DIS3L2: variants seen among roughly 807,000 people sequenced by gnomAD.
DIS3L2 encodes the protein DIS3 like 3'-5' exoribonuclease 2.
Under a neutral mutation model 97.5 loss-of-function variants are expected in DIS3L2, and 34 were observed. The observed-to-expected ratio is 0.35, with a 90% CI of 0.27 to 0.46. The LOEUF (loss-of-function observed/expected upper bound fraction) is 0.46, where lower values mean the gene tolerates loss of function less well. DIS3L2 is among the 20% of genes least tolerant of loss of function. The pLI, the probability that DIS3L2 is intolerant of heterozygous loss-of-function variation, is 1.00. For missense variants in DIS3L2, 1,038 were observed against 1,146.0 expected, an observed-to-expected ratio of 0.91 and a Z score of 1.36; for synonymous variants, 435 against 445.2, an observed-to-expected ratio of 0.98 and a Z score of 0.29.
chr2:232,198,226 T>C (rs1296376071), intron 9 of DIS3L2, among the ~76,000 whole-genome samples: 11 of 152,080 alleles, frequency 7.2e-5, no homozygotes, highest in Admixed American at 7.2e-4. Flanking sequence ...TTAAGGGCCA[T>C]CTCTAGGAAA....
intron 10 of DIS3L2, among the ~76,000 whole-genome samples, chr2:232,222,492 A>G (rs896110701): frequency 3.3e-5 from 5 of 151,742 alleles, no homozygotes; most frequent in African/African-American, 4.8e-5. Context: ...TTTTTTTAAG[A>G]CTGAGTCTTG....
At chr2:231,986,633 A>T (rs544062914) in intron 1 of DIS3L2, among the ~76,000 whole-genome samples, 1 of 152,312 alleles carries the variant, frequency 6.6e-6, no homozygotes, top group Non-Finnish European at 1.5e-5. Flanking sequence ...CTCCTTTAGT[A>T]CTTAAGACAG....
chr2:232,130,362 C>G (rs185015345), intron 6 of DIS3L2, among the ~76,000 whole-genome samples: 194 of 152,208 alleles, frequency 1.3e-3, no homozygotes, highest in African/African-American at 4.6e-3. Context: ...TAGTTTGATG[C>G]TCTCCAGTTG....
At chr2:232,086,186 C>CAT (rs1279584513) in intron 5 of DIS3L2, among the ~76,000 whole-genome samples, 1 of 146,948 alleles carries the variant, frequency 6.8e-6, no homozygotes, top group East Asian at 2.0e-4. Flanking sequence ...CGTATATATA[C>CAT]ACACGTATAG....
chr2:232,329,785 T>TGCCGGG, intron 14 of DIS3L2, 28 bp from the exon 15 acceptor site: 3 of 967,142 alleles, frequency 3.1e-6, no homozygotes, highest in East Asian at 3.1e-5. Flanking sequence ...ACCCCAGCGG[T>TGCCGGG]CCCTCCCATC....
intron 5 of DIS3L2, among the ~76,000 whole-genome samples, chr2:232,073,830 G>T (rs1346419842): frequency 6.6e-6 from 1 of 152,200 alleles, no homozygotes; most frequent in African/African-American, 2.4e-5. Context: ...GAAGTGACCA[G>T]TTTCTTCTCT....
intron 5 of DIS3L2, among the ~76,000 whole-genome samples, chr2:232,068,329 T>G (rs1355161948): frequency 1.3e-5 from 2 of 151,510 alleles, no homozygotes; most frequent in African/African-American, 2.4e-5. Context: ...CCCAGCACTT[T>G]GGGAGGCCAA....
At chr2:232,216,035 T>G (rs2106225039) in intron 10 of DIS3L2, among the ~76,000 whole-genome samples, 1 of 152,246 alleles carries the variant, frequency 6.6e-6, no homozygotes, top group Admixed American at 6.5e-5. Flanking sequence ...CCACCTGAAG[T>G]CTCCCTCATC....
At chr2:232,287,399 C>CCCG (rs1553544637) in intron 13 of DIS3L2, among the ~76,000 whole-genome samples, 1 of 67,292 alleles carries the variant, frequency 1.5e-5, no homozygotes, top group Non-Finnish European at 3.0e-5. Flanking sequence ...CCCCCCCCCC[C>CCCG]CCCCGCTTTT....
At chr2:232,237,068 G>A (rs903251205) in intron 10 of DIS3L2, among the ~76,000 whole-genome samples, 2 of 152,082 alleles carry the variant, frequency 1.3e-5, no homozygotes, top group African/African-American at 4.8e-5. Context: ...TATTTTACAT[G>A]TATACTCTTT....
Position 232,335,299 on chromosome 2 carries a change from G to A in DIS3L2, c.2395-474G>A, listed in dbSNP as rs182980437. On this transcript the variant is annotated intron_variant, in intron 19 of 20. Transcript: ENST00000325385. The stretch of plus-strand genomic sequence containing the variant: ...GCCCTGGGAGTACAGTGTCCAGCCC[G>A]TTGTGTGCAGTAAACGTGGTGTTCA... 1,638 of 197,148 alleles carry A rather than the reference G, an allele frequency of 8.3e-3. 22 individuals carry two copies. The highest frequency in any genetic ancestry group is 0.048 in the Admixed American group (898 of 18,614). The allele number at this position is 197,148 out of a possible 1,614,324, so 12.2% of individuals were successfully genotyped here. A position where few individuals can be genotyped will look rare whatever the true frequency, so the allele number is the denominator to read the frequency against.
intron 8 of DIS3L2, among the ~76,000 whole-genome samples, chr2:232,157,120 A>G (rs2106371432): frequency 1.3e-5 from 2 of 152,268 alleles, no homozygotes; most frequent in Non-Finnish European, 2.9e-5. Context: ...AGTACATAGC[A>G]TATTTTCTGC....
chr2:232,191,621 T>C (rs1358713016), intron 9 of DIS3L2, among the ~76,000 whole-genome samples: 1 of 152,226 alleles, frequency 6.6e-6, no homozygotes, highest in Non-Finnish European at 1.5e-5. Context: ...ATGAAGAAAT[T>C]GGCCTAGTTA....
At chr2:232,297,402 A>G (rs905888775) in intron 13 of DIS3L2, among the ~76,000 whole-genome samples, 8 of 152,190 alleles carry the variant, frequency 5.3e-5, no homozygotes, top group Admixed American at 5.2e-4. Flanking sequence ...AAGGATGCTT[A>G]GATACTGATT....
chr2:232,281,965 G>C lies in DIS3L2; in HGVS notation c.1660-18075G>C, dbSNP rs1694298705. On this transcript the variant is annotated intron_variant, in intron 13 of 20. Coordinates refer to ENST00000325385, the MANE Select transcript of DIS3L2 (RefSeq NM_152383.5). The surrounding 1 kb of genome is among the most constrained non-coding windows in gnomAD (Gnocchi z 4.1). ...ATGAAATCTAATTGGCAAGACCACGGTGAGCACACAGGCACTTAGGAGCAG... is the reference window on the plus strand; with the variant it reads ...ATGAAATCTAATTGGCAAGACCACGCTGAGCACACAGGCACTTAGGAGCAG... Among the ~76,000 whole-genome samples, 1 of 151,940 alleles carries C rather than the reference G, an allele frequency of 6.6e-6. No individual in the cohort carries two copies. Among genetic ancestry groups the C allele is most frequent in the African/African-American group, 2.4e-5 (1 of 41,358 alleles).
rs2106315015 is a variant in DIS3L2 at position 232,293,904 on chromosome 2, G to C, written c.1660-6136G>C. Among the ~76,000 whole-genome samples the C allele has an allele frequency of 6.6e-6, 1 of 152,338 alleles. No individual in the cohort carries two copies. The highest frequency in any genetic ancestry group is 2.1e-4 in the South Asian group (1 of 4,826). On this transcript the variant is annotated intron_variant, in intron 13 of 20. Transcript: ENST00000325385. This position sits in a 1 kb window ranked among gnomAD's most constrained non-coding sequence, Gnocchi z 4.6. ...GAGAACATAGCCAAGGGAGTAGGAA[G>C]ATACATTGTGTGTCAGTGTCCTTAG...
intron 9 of DIS3L2, 72 bp downstream of exon 9, chr2:232,163,704 A>G (rs1690723780): frequency 2.7e-6 from 4 of 1,484,946 alleles, no homozygotes; most frequent in South Asian, 1.4e-5. Context: ...CTAGGCTTAG[A>G]TGTTTTCATC....
chr2:232,306,773 A>G (rs978090169), intron 14 of DIS3L2, among the ~76,000 whole-genome samples: 1 of 152,134 alleles, frequency 6.6e-6, no homozygotes, highest in African/African-American at 2.4e-5. Flanking sequence ...GGGACTGGGC[A>G]CTCCTCAGCA....
downstream of DIS3L2, chr2:232,341,135 A>G: frequency 2.8e-6 from 1 of 361,174 alleles, no homozygotes; most frequent in African/African-American, 2.1e-5. Context: ...CAACAGATAC[A>G]TGTCCCTCGC....
Sources: allele counts gnomAD v4.1 joint callset (sites outside exome capture counted in the v4.1 genomes callset), GRCh38; gene constraint gnomAD v4.1.1; non-coding constraint Gnocchi (gnomAD v3.1); transcripts MANE v1.5; gene names NCBI Gene and HGNC (gene_info 2026-07-23, HGNC 2026-07-21).